The following XKR9 variants were observed in gnomAD, a reference collection of about 807,000 sequenced individuals.
XKR9 encodes the protein XK related 9.
A neutral mutation model predicts 32.0 loss-of-function variants in XKR9; 32 were observed. The observed-to-expected ratio is 1.00, with a 90% CI of 0.76 to 1.34. The LOEUF is 1.34. Among genes scored for constraint, XKR9 ranks in the 40% most tolerant of loss-of-function variants. XKR9 has a pLI of 0.00. For missense variants in XKR9, 546 were observed against 429.7 expected, an observed-to-expected ratio of 1.27 and a Z score of -2.39; for synonymous variants, 168 against 143.4, an observed-to-expected ratio of 1.17 and a Z score of -1.22.
chr8:70,781,616 T>C (rs62508774), intron 2 of XKR9, among the ~76,000 whole-genome samples: 10,979 of 152,098 alleles, frequency 0.072, 471 homozygotes, highest in Non-Finnish European at 0.089. Context: ...TTTGTCTTTT[T>C]GATAATAGCC....
chr8:70,756,735 G>A (rs895335359), intron 2 of XKR9, among the ~76,000 whole-genome samples: 1 of 152,130 alleles, frequency 6.6e-6, no homozygotes, highest in African/African-American at 2.4e-5. Flanking sequence ...TTATTCACTA[G>A]CGCCAATAGT....
chr8:70,748,874 C>G (rs1042316863), intron 2 of XKR9, among the ~76,000 whole-genome samples: 2 of 57,188 alleles, frequency 3.5e-5, no homozygotes, highest in African/African-American at 8.7e-5. Flanking sequence ...CAGCCAGACT[C>G]AGACATTGGG....
intron 2 of XKR9, among the ~76,000 whole-genome samples, chr8:70,757,814 T>A (rs562415014): frequency 1.1e-4 from 16 of 152,170 alleles, no homozygotes; most frequent in Non-Finnish European, 2.1e-4. Context: ...CTCGAACTCC[T>A]TACCTCAGGT....
At chr8:70,853,233 T>C in the XKR9 span, among the ~76,000 whole-genome samples, 1 of 151,958 alleles carries the variant, frequency 6.6e-6, no homozygotes, top group East Asian at 1.9e-4. Flanking sequence ...AATAGAAGAA[T>C]GGTTCTCAGA....
chr8:70,964,701 T>G, the XKR9 span, among the ~76,000 whole-genome samples: 1 of 152,180 alleles, frequency 6.6e-6, no homozygotes, highest in Non-Finnish European at 1.5e-5. Flanking sequence ...AGGTATTTTA[T>G]TCTCTTTGTA....
chr8:71,030,432 C>T, the XKR9 span, among the ~76,000 whole-genome samples: 437 of 152,254 alleles, frequency 2.9e-3, 2 homozygotes, highest in South Asian at 0.016. Flanking sequence ...AGAATTTGCT[C>T]GGAAATATAG....
At chr8:70,997,313 A>C in the XKR9 span, among the ~76,000 whole-genome samples, 5 of 152,108 alleles carry the variant, frequency 3.3e-5, no homozygotes, top group South Asian at 2.1e-4. Flanking sequence ...AACAAACAAA[A>C]AAAAAACCAA....
chr8:70,970,869 G>A, the XKR9 span, among the ~76,000 whole-genome samples: 1 of 152,182 alleles, frequency 6.6e-6, no homozygotes, highest in African/African-American at 2.4e-5. Context: ...GCGTAAATTA[G>A]TTCAATCATT....
At chr8:70,900,682 T>C in the XKR9 span, among the ~76,000 whole-genome samples, 76 of 152,322 alleles carry the variant, frequency 5.0e-4, no homozygotes, top group African/African-American at 1.6e-3. Flanking sequence ...TTATTATACT[T>C]TAAGTTCTAG....
the XKR9 span, among the ~76,000 whole-genome samples, chr8:70,992,398 T>C: frequency 6.6e-6 from 1 of 152,134 alleles, no homozygotes; most frequent in African/African-American, 2.4e-5. Flanking sequence ...TAAAAGAGTT[T>C]CCATATTCCT....
At chr8:70,937,057 T>C in the XKR9 span, among the ~76,000 whole-genome samples, 2 of 151,890 alleles carry the variant, frequency 1.3e-5, no homozygotes, top group Non-Finnish European at 2.9e-5. Flanking sequence ...GGTGGGTAAT[T>C]ACAGCACATA....
chr8:70,823,115 A>G, the XKR9 span, among the ~76,000 whole-genome samples: 1 of 152,332 alleles, frequency 6.6e-6, no homozygotes, highest in East Asian at 1.9e-4. Context: ...GAGATAATAC[A>G]TACATGAAGA....
chr8:70,762,467 T>C (rs1026025147), intron 2 of XKR9, among the ~76,000 whole-genome samples: 3 of 152,160 alleles, frequency 2.0e-5, no homozygotes, highest in African/African-American at 4.8e-5. Flanking sequence ...TAGATTCTCA[T>C]AGGAGCATGA....
At chr8:70,817,655 C>T in the XKR9 span, among the ~76,000 whole-genome samples, 2 of 151,982 alleles carry the variant, frequency 1.3e-5, no homozygotes, top group South Asian at 4.2e-4. Flanking sequence ...CCCAAAAAGC[C>T]CCAGTAGCCA....
At chr8:70,716,102 G>T (rs1369216309) in intron 4 of XKR9, among the ~76,000 whole-genome samples, 1 of 151,890 alleles carries the variant, frequency 6.6e-6, no homozygotes, top group Non-Finnish European at 1.5e-5. Flanking sequence ...GGAGAATGGT[G>T]TTCTAAAAAA....
At chr8:70,698,830 G>A (rs1455726365) in intron 3 of XKR9, among the ~76,000 whole-genome samples, 1 of 152,076 alleles carries the variant, frequency 6.6e-6, no homozygotes, top group Non-Finnish European at 1.5e-5. Context: ...AAGTCTCTTT[G>A]TAGGTCACTC....
the XKR9 span, among the ~76,000 whole-genome samples, chr8:71,042,174 A>G: frequency 6.6e-6 from 1 of 152,176 alleles, no homozygotes; most frequent in South Asian, 2.1e-4. Flanking sequence ...GTGGAGCCCT[A>G]CAACAATCAA....
At chr8:70,956,068 CCTT>C in the XKR9 span, among the ~76,000 whole-genome samples, 1 of 152,202 alleles carries the variant, frequency 6.6e-6, no homozygotes, top group Non-Finnish European at 1.5e-5. Context: ...GCTCTTCTCT[CCTT>C]CTCATCGCTT....
At chr8:70,871,453 T>C in the XKR9 span, among the ~76,000 whole-genome samples, 3 of 152,240 alleles carry the variant, frequency 2.0e-5, no homozygotes, top group Non-Finnish European at 4.4e-5. Flanking sequence ...TGTGTCACAT[T>C]TTGGAAATTC....
Sources: allele counts gnomAD v4.1 joint callset (sites outside exome capture counted in the v4.1 genomes callset), GRCh38; gene constraint gnomAD v4.1.1; transcripts MANE v1.5; gene names NCBI Gene and HGNC (gene_info 2026-07-23, HGNC 2026-07-21).